Variants in RALGAPA1 observed in about 807,000 individuals in gnomAD.
RALGAPA1 encodes Ral GTPase activating protein catalytic subunit alpha 1.
A neutral mutation model predicts 269.6 loss-of-function variants in RALGAPA1; 52 were observed. The ratio of observed to expected loss-of-function variants is 0.19; its 90% CI spans 0.15 to 0.24. RALGAPA1 has a LOEUF of 0.24. Ranked by LOEUF, RALGAPA1 falls within the 10% of genes least tolerant of loss-of-function variation. The pLI, the probability that RALGAPA1 is intolerant of heterozygous loss-of-function variation, is 1.00. For synonymous variants in RALGAPA1, 817 were observed against 1,008.3 expected (o/e 0.81, Z 3.60); for missense variants, 1,917 against 3,013.9 (o/e 0.64, Z 8.52).
intron 31 of RALGAPA1, among the ~76,000 whole-genome samples, chr14:35,650,561 C>T (rs1365951953): frequency 6.6e-6 from 1 of 151,886 alleles, no homozygotes; most frequent in Non-Finnish European, 1.5e-5. Context: ...CACATGAAAT[C>T]AGTAAGAAAT....
intron 39 of RALGAPA1, among the ~76,000 whole-genome samples, chr14:35,560,093 G>A (rs908522120): frequency 6.6e-6 from 1 of 152,166 alleles, no homozygotes; most frequent in Non-Finnish European, 1.5e-5. Flanking sequence ...TTTTGGAAAG[G>A]CTTCGCTAGA....
chr14:35,614,538 A>G (rs1259998044), intron 35 of RALGAPA1, among the ~76,000 whole-genome samples: 1 of 152,138 alleles, frequency 6.6e-6, no homozygotes, highest in African/African-American at 2.4e-5. Context: ...GAAAGTAGAT[A>G]TGTGTTATCT....
chr14:35,672,801 A>G, intron 25 of RALGAPA1, 66 bp downstream of exon 25: 1 of 1,375,960 alleles, frequency 7.3e-7, no homozygotes, highest in South Asian at 1.6e-5. Flanking sequence ...AGAGTTAAAC[A>G]GAATCAAGAA....
At chr14:35,601,742 CAG>C (rs2059302751) in intron 36 of RALGAPA1, among the ~76,000 whole-genome samples, 1 of 152,286 alleles carries the variant, frequency 6.6e-6, no homozygotes, top group African/African-American at 2.4e-5. Flanking sequence ...CTCCATCTTT[CAG>C]AGTCTTCTTA....
chr14:35,618,921 A>G (rs1222692715), intron 35 of RALGAPA1, among the ~76,000 whole-genome samples: 4 of 152,126 alleles, frequency 2.6e-5, no homozygotes, highest in Non-Finnish European at 5.9e-5. Flanking sequence ...AAGAATGATG[A>G]TTATGATGGT....
chr14:35,655,789 C>G lies in RALGAPA1; in HGVS notation c.5496+18G>C. ...TTCTCTCCTATCTTAATATATTTCACTAAACAGTTTTCTTTACCTTTAAGG... is the reference window on the plus strand; with the variant it reads ...TTCTCTCCTATCTTAATATATTTCAGTAAACAGTTTTCTTTACCTTTAAGG... On this transcript the variant is annotated intron_variant, in intron 29 of 41. Transcript: ENST00000680220. 3 of 1,608,520 alleles carry G rather than the reference C, an allele frequency of 1.9e-6. No homozygotes were observed. The highest frequency in any genetic ancestry group is 2.5e-6 in the Non-Finnish European group (3 of 1,178,524).
At chr14:35,628,022 A>C in intron 33 of RALGAPA1, 71 bp from the exon 34 acceptor site, 1 of 1,435,296 alleles carries the variant, frequency 7.0e-7, no homozygotes, top group Non-Finnish European at 9.4e-7. Flanking sequence ...ATGAAATATT[A>C]GACAACAAAT....
intron 10 of RALGAPA1, 109 bp downstream of exon 10, chr14:35,748,476 A>G: frequency 7.5e-7 from 1 of 1,327,278 alleles, no homozygotes; most frequent in Non-Finnish European, 9.8e-7. Context: ...AGCCTCCTGA[A>G]CAACTACAAC....
intron 33 of RALGAPA1, among the ~76,000 whole-genome samples, chr14:35,632,855 CA>C (rs2061439588): frequency 6.6e-6 from 1 of 152,110 alleles, no homozygotes; most frequent in Non-Finnish European, 1.5e-5. Flanking sequence ...GACAAGGGCA[CA>C]ATGATCACTC....
intron 12 of RALGAPA1, among the ~76,000 whole-genome samples, chr14:35,734,851 T>C (rs2070827312): frequency 6.6e-6 from 1 of 150,618 alleles, no homozygotes; most frequent in Non-Finnish European, 1.5e-5. Flanking sequence ...AATAAATCAG[T>C]AAGAAAAAAA....
intron 24 of RALGAPA1, among the ~76,000 whole-genome samples, chr14:35,673,930 C>T (rs1364587860): frequency 6.6e-6 from 1 of 152,126 alleles, no homozygotes; most frequent in East Asian, 1.9e-4. Flanking sequence ...AAAGTTTATA[C>T]TTCAGTTAAA....
intron 15 of RALGAPA1, among the ~76,000 whole-genome samples, chr14:35,722,212 T>C (rs1274772891): frequency 6.6e-6 from 1 of 152,214 alleles, no homozygotes; most frequent in Non-Finnish European, 1.5e-5. Flanking sequence ...TAATAGCCAC[T>C]TGGGAAATAT....
intron 15 of RALGAPA1, among the ~76,000 whole-genome samples, chr14:35,722,330 G>A (rs1241458248): frequency 1.3e-5 from 2 of 152,166 alleles, no homozygotes; most frequent in African/African-American, 4.8e-5. Flanking sequence ...GCAAAATACT[G>A]GCTGGGAGTA....
intron 16 of RALGAPA1, chr14:35,707,032 T>A (rs902250637): frequency 2.0e-5 from 3 of 152,204 alleles, no homozygotes; most frequent in African/African-American, 7.2e-5. Context: ...CAAAGTTTCA[T>A]AGTTTTCCTC....
At chr14:35,640,277 T>A (rs928719991) in intron 31 of RALGAPA1, among the ~76,000 whole-genome samples, 1 of 151,280 alleles carries the variant, frequency 6.6e-6, no homozygotes, top group Admixed American at 6.6e-5. Context: ...ATACAAAAGA[T>A]CAATGAAATG....
intron 37 of RALGAPA1, among the ~76,000 whole-genome samples, chr14:35,595,012 A>G (rs1594746945): frequency 6.6e-6 from 1 of 152,144 alleles, no homozygotes; most frequent in East Asian, 1.9e-4. Flanking sequence ...CTTGGAGGAC[A>G]CTATGTGTCC....
chr14:35,785,640 C>A (rs1229982217), intron 1 of RALGAPA1, among the ~76,000 whole-genome samples: 1 of 152,126 alleles, frequency 6.6e-6, no homozygotes, highest in Non-Finnish European at 1.5e-5. Flanking sequence ...TTGTCACAGA[C>A]CAGTGCTTTA....
chr14:35,721,586 C>A, intron 16 of RALGAPA1, 102 bp downstream of exon 16: 1 of 1,089,914 alleles, frequency 9.2e-7, no homozygotes, highest in Non-Finnish European at 1.3e-6. Flanking sequence ...CATTTCACAA[C>A]AATAATCAAC....
At chr14:35,704,384 T>G (rs2067619410) in intron 16 of RALGAPA1, among the ~76,000 whole-genome samples, 1 of 152,142 alleles carries the variant, frequency 6.6e-6, no homozygotes, top group Non-Finnish European at 1.5e-5. Context: ...ATAACAAAAT[T>G]TATCTTAAAG....
Sources: allele counts gnomAD v4.1 joint callset (sites outside exome capture counted in the v4.1 genomes callset), GRCh38; gene constraint gnomAD v4.1.1; transcripts MANE v1.5; gene names NCBI Gene and HGNC (gene_info 2026-07-23, HGNC 2026-07-21).